The following FYB2 variants were observed in gnomAD, a reference collection of about 807,000 sequenced individuals.
The protein encoded by FYB2 is FYN binding protein 2.
FYB2 carries 103 observed loss-of-function variants against 94.1 expected under a neutral mutation model. The observed-to-expected ratio is 1.09, with a 90% CI of 0.93 to 1.29. The LOEUF is 1.29. Ranked by LOEUF, FYB2 falls within the 50% of genes most tolerant of loss-of-function variation. The pLI is 0.00. For missense variants in FYB2, 896 were observed against 841.5 expected, an observed-to-expected ratio of 1.06 and a Z score of -0.80; for synonymous variants, 293 against 287.9, an observed-to-expected ratio of 1.02 and a Z score of -0.18.
At chr1:56,775,966 T>C (rs1289915929) in intron 4 of FYB2, among the ~76,000 whole-genome samples, 2 of 152,182 alleles carry the variant, frequency 1.3e-5, no homozygotes, top group African/African-American at 4.8e-5. Flanking sequence ...CACATAATCC[T>C]CTCAGTAGCA....
At chr1:56,817,603 C>T (rs1180711965) in intron 1 of FYB2, among the ~76,000 whole-genome samples, 3 of 152,172 alleles carry the variant, frequency 2.0e-5, no homozygotes, top group Non-Finnish European at 2.9e-5. Flanking sequence ...CAAAGCAGGA[C>T]CTGACCACAC....
In FYB2 at chr1:56,767,861, A is replaced by G. The variant is rs772816217; in HGVS notation, c.1031T>C (p.Ile344Thr). The change falls in exon 5 of 20, where the codon ATT (isoleucine) becomes ACT (threonine). Residue 344 changes from isoleucine to threonine, a missense_variant. Coordinates refer to ENST00000343433, the MANE Select transcript of FYB2 (RefSeq NM_001004303.5). ...AATTTCTTTTGCAGTGCACAGGTTAATGGAGTTGCCAGAGTGTCTCAGATA... is the reference window on the plus strand; with the variant it reads ...AATTTCTTTTGCAGTGCACAGGTTAGTGGAGTTGCCAGAGTGTCTCAGATA... ...ISYLRHSGNSINLCTAKEIAD... is the reference protein window; with the variant it reads ...ISYLRHSGNSTNLCTAKEIAD... 9.3e-6 allele frequency: 15 copies of G among 1,612,428 alleles called. No homozygotes were observed. The highest frequency in any genetic ancestry group is 4.5e-5 in the East Asian group (2 of 44,858).
At chr1:56,771,519 T>C (rs570086003) in intron 4 of FYB2, among the ~76,000 whole-genome samples, 1 of 152,206 alleles carries the variant, frequency 6.6e-6, no homozygotes. Flanking sequence ...AATGGAATTA[T>C]GGAGTAAATT....
intron 8 of FYB2, among the ~76,000 whole-genome samples, chr1:56,752,156 G>C (rs1057009635): frequency 1.3e-5 from 2 of 151,890 alleles, no homozygotes; most frequent in African/African-American, 4.8e-5. Context: ...CTGGCGATGA[G>C]GTTGAAAAGG....
intron 16 of FYB2, among the ~76,000 whole-genome samples, chr1:56,725,623 T>C (rs1302913644): frequency 6.6e-6 from 1 of 152,080 alleles, no homozygotes; most frequent in African/African-American, 2.4e-5. Context: ...AAGTTTAAGA[T>C]AGAAAGCTGC....
In FYB2 at chr1:56,787,207, C is replaced by T. The variant is rs1354649931; in HGVS notation, c.921G>A (p.Val307=). 1.2e-6 allele frequency: 2 copies of T among 1,613,946 alleles called. No individual in the cohort carries two copies. The highest frequency in any genetic ancestry group is 1.1e-5 in the South Asian group (1 of 91,066). The part of the protein sequence containing the change: ...PAAVPKTQGE[V]TVEEGSLSPE... Reference sequence around the variant, plus strand: ...GAGACAGGGAGCCCTCTTCCACAGTCACTGCAAGAGAAAGAGGCGGAATGA... The same window carrying T: ...GAGACAGGGAGCCCTCTTCCACAGTTACTGCAAGAGAAAGAGGCGGAATGA... The change falls in exon 4 of 20, where the codon GTG becomes GTA. Residue 307 remains valine (V), a splice_region_variant and synonymous_variant. Coordinates refer to ENST00000343433, the MANE Select transcript of FYB2 (RefSeq NM_001004303.5).
intron 16 of FYB2, among the ~76,000 whole-genome samples, 186 bp from the exon 17 acceptor site, chr1:56,723,867 T>G (rs1644534587): frequency 6.6e-6 from 1 of 152,010 alleles, no homozygotes; most frequent in Non-Finnish European, 1.5e-5. Context: ...GTATGTAGGT[T>G]CATAATACAA....
intron 5 of FYB2, among the ~76,000 whole-genome samples, chr1:56,764,225 A>T (rs184231585): frequency 2.0e-5 from 3 of 152,206 alleles, no homozygotes; most frequent in Admixed American, 2.0e-4. Context: ...GAGTGCTGGG[A>T]TTACAGGTGT....
intron 9 of FYB2, among the ~76,000 whole-genome samples, chr1:56,747,075 T>A (rs182589370): frequency 2.8e-4 from 43 of 152,060 alleles, no homozygotes; most frequent in Admixed American, 1.2e-3. Flanking sequence ...AATTTCACTA[T>A]ATTTCTTTTA....
At chr1:56,741,050 G>A (rs896061676) in intron 12 of FYB2, among the ~76,000 whole-genome samples, 5 of 151,956 alleles carry the variant, frequency 3.3e-5, no homozygotes, top group Admixed American at 6.6e-5. Context: ...TAGACTAGAA[G>A]CCCATACCTC....
chr1:56,747,494 G>T (rs1445254557), intron 9 of FYB2, among the ~76,000 whole-genome samples: 1 of 151,986 alleles, frequency 6.6e-6, no homozygotes, highest in African/African-American at 2.4e-5. Context: ...ACTTATGAGT[G>T]AGAATGTGTG....
intron 1 of FYB2, among the ~76,000 whole-genome samples, chr1:56,804,868 T>G (rs1199863299): frequency 6.6e-6 from 1 of 152,194 alleles, no homozygotes; most frequent in African/African-American, 2.4e-5. Context: ...ACATAAGGTC[T>G]TCTCTGATCT....
intron 1 of FYB2, among the ~76,000 whole-genome samples, chr1:56,804,460 C>T (rs1177896527): frequency 6.6e-6 from 1 of 152,184 alleles, no homozygotes; most frequent in African/African-American, 2.4e-5. Flanking sequence ...TGCAGTGGCT[C>T]ATGCCTGTAA....
Position 56,742,216 on chromosome 1 carries a change from T to C in FYB2, c.1549A>G (p.Asn517Asp). 1.9e-6 allele frequency: 3 copies of C among 1,592,558 alleles called. No individual in the cohort carries two copies. The highest frequency in any genetic ancestry group is 2.6e-6 in the Non-Finnish European group (3 of 1,163,180). Reference sequence around the variant, plus strand: ...TAGACATCTTCATACAGTTCTCTATTTTCTTCTGAAATTAGAAGAAAACCC... The same window carrying C: ...TAGACATCTTCATACAGTTCTCTATCTTCTTCTGAAATTAGAAGAAAACCC... The part of the protein sequence containing the change: ...SSSLASSSEE[N>D]RELYEDVYKT... Residue 517 changes from asparagine to aspartate, a missense_variant, in exon 12 of 20, where the codon AAT becomes GAT. Transcript: ENST00000343433.
intron 4 of FYB2, among the ~76,000 whole-genome samples, chr1:56,781,965 G>A (rs1023643724): frequency 6.6e-6 from 1 of 152,106 alleles, no homozygotes; most frequent in African/African-American, 2.4e-5. Flanking sequence ...TCAACTCAAT[G>A]CTACTATCTC....
At chr1:56,783,556 T>C (rs1174942111) in intron 4 of FYB2, among the ~76,000 whole-genome samples, 1 of 150,146 alleles carries the variant, frequency 6.7e-6, no homozygotes. Context: ...TTTTAAGAAT[T>C]GTCACATAAA....
At chr1:56,740,098 TGGTACTA>T (rs1644917339) in intron 13 of FYB2, among the ~76,000 whole-genome samples, 1 of 152,088 alleles carries the variant, frequency 6.6e-6, no homozygotes, top group East Asian at 1.9e-4. Flanking sequence ...ATGGCAGAAC[TGGTACTA>T]GAATATAGAA....
At chr1:56,741,468 C>T (rs1644950740) in intron 12 of FYB2, among the ~76,000 whole-genome samples, 1 of 151,938 alleles carries the variant, frequency 6.6e-6, no homozygotes, top group Non-Finnish European at 1.5e-5. Flanking sequence ...ACATTGATTA[C>T]CCAGCTGATG....
chr1:56,769,528 T>C (rs1302345024), intron 4 of FYB2, among the ~76,000 whole-genome samples: 1 of 152,152 alleles, frequency 6.6e-6, no homozygotes, highest in African/African-American at 2.4e-5. Context: ...TTATAATAGC[T>C]ATACTATTAT....
Sources: gnomAD v4.1 joint callset for allele counts (sites outside exome capture counted in the v4.1 genomes callset) on GRCh38, gnomAD v4.1.1 for gene constraint, MANE v1.5 for transcripts, NCBI Gene and HGNC (gene_info 2026-07-23, HGNC 2026-07-21) for gene names.